RAB11FIP5: variants seen among roughly 807,000 people sequenced by gnomAD.
RAB11FIP5 encodes rab11 family-interacting protein 5.
RAB11FIP5 carries 48 observed loss-of-function variants against 85.1 expected under a neutral mutation model. The observed-to-expected ratio is 0.56, with a 90% confidence interval of 0.45 to 0.72. RAB11FIP5 has a LOEUF of 0.72. Ranked by LOEUF, RAB11FIP5 falls within the 30% of genes least tolerant of loss-of-function variation. The pLI, the probability that RAB11FIP5 is intolerant of heterozygous loss-of-function variation, is 0.00. For missense variants in RAB11FIP5, 1,491 were observed against 1,687.0 expected (o/e 0.88, Z 2.04); for synonymous variants, 729 against 727.3 (o/e 1.00, Z -0.04).
chr2:73,085,474 T>C (rs578060046), intron 3 of RAB11FIP5, among the ~76,000 whole-genome samples: 2 of 152,300 alleles, frequency 1.3e-5, no homozygotes, highest in Admixed American at 1.3e-4. Context: ...AAATGCGTGG[T>C]CTTGCCTGTC....
Position 73,081,107 on chromosome 2 carries a change from C to T in RAB11FIP5, c.2125G>A (p.Gly709Arg). 3.3e-6 allele frequency: 4 copies of T among 1,222,130 alleles called. No homozygotes were observed. Among genetic ancestry groups the T allele is most frequent in the South Asian group, 8.3e-5 (2 of 24,102 alleles). The allele number at this position is 1,222,130 out of a possible 1,614,324, so 75.7% of individuals were successfully genotyped here. A position where few individuals can be genotyped will look rare whatever the true frequency, so the allele number is the denominator to read the frequency against. ...CTGCTCCCACCTCTTCCTCCTCCTC[C>T]TCCTCCTCCTCCTCCTCCTCCCCCA... ...EPGGGGGGGGGGGGRGGSSVW... is the reference protein window; with the variant it reads ...EPGGGGGGGGRGGGRGGSSVW... The change falls in exon 4 of 6, where the codon GGA (glycine) becomes AGA (arginine). Residue 709 changes from glycine to arginine, a missense_variant. Physicochemically the swap from Gly to Arg is moderately radical, Grantham distance 125. Coordinates refer to ENST00000486777, the MANE Select transcript of RAB11FIP5 (RefSeq NM_001371272.1). The surrounding 1 kb of genome is among the most constrained non-coding windows in gnomAD (Gnocchi z 4.2).
Position 73,079,835 on chromosome 2 carries a change from G to A in RAB11FIP5, c.3397C>T (p.Pro1133Ser). The change falls in exon 4 of 6, where the codon CCC becomes TCC. Residue 1133 changes from proline to serine, a missense_variant. Coordinates refer to ENST00000486777, the MANE Select transcript of RAB11FIP5 (RefSeq NM_001371272.1). The part of the protein sequence containing the change: ...PPCSPLSEAW[P>S]LTTSSAPPGE... Reference sequence around the variant, plus strand: ...GGTGGTGCAGAGGAGGTAGTCAGGGGCCAGGCTTCAGACAGGGGAGAGCAT... The same window carrying A: ...GGTGGTGCAGAGGAGGTAGTCAGGGACCAGGCTTCAGACAGGGGAGAGCAT... 8.1e-7 allele frequency: 1 copy of A among 1,232,340 alleles called. No individual in the cohort carries two copies. Among genetic ancestry groups the A allele is most frequent in the Non-Finnish European group, 1.0e-6 (1 of 988,142 alleles). The allele number at this position is 1,232,340 out of a possible 1,614,324, so 76.3% of individuals were successfully genotyped here.
At chr2:73,085,564 T>C (rs1654705874) in intron 3 of RAB11FIP5, among the ~76,000 whole-genome samples, 1 of 152,180 alleles carries the variant, frequency 6.6e-6, no homozygotes, top group African/African-American at 2.4e-5. Flanking sequence ...GGCTAAGTCC[T>C]GTGGCCAAGA....
chr2:73,087,103 C>T (rs1684105106), intron 3 of RAB11FIP5, among the ~76,000 whole-genome samples: 1 of 152,310 alleles, frequency 6.6e-6, no homozygotes, highest in African/African-American at 2.4e-5. Flanking sequence ...GTCCAAGCAG[C>T]CATGGAGCGG....
Position 73,088,554 on chromosome 2 carries a change from C to T in RAB11FIP5, c.1064G>A (p.Arg355His), listed in dbSNP as rs745550800. 2.4e-5 allele frequency: 38 copies of T among 1,613,778 alleles called. No homozygotes were observed. The highest frequency in any genetic ancestry group is 3.0e-5 in the Non-Finnish European group (35 of 1,180,044). ...TGGAAGCGAGCCCGAGATGGAGCTGCGGTGCCGCACAGGGCCCTGGGGCTC... is the reference window on the plus strand; with the variant it reads ...TGGAAGCGAGCCCGAGATGGAGCTGTGGTGCCGCACAGGGCCCTGGGGCTC... ...NEEPQGPVRH[R>H]SSISGSLPSS... Residue 355 changes from arginine (R) to histidine (H), a missense_variant, in exon 3 of 6, where the codon CGC becomes CAC. By Grantham distance (29) the Arg-to-His change is conservative. Transcript: ENST00000486777.
At chr2:73,077,732 G>C (rs745521522) in intron 4 of RAB11FIP5, among the ~76,000 whole-genome samples, 1 of 152,212 alleles carries the variant, frequency 6.6e-6, no homozygotes, top group Non-Finnish European at 1.5e-5. Context: ...AAGCCTTCCT[G>C]ATTCCTCCAG....
chr2:73,095,609 G>A (rs1163002307), intron 1 of RAB11FIP5, among the ~76,000 whole-genome samples: 1 of 152,190 alleles, frequency 6.6e-6, no homozygotes, highest in Non-Finnish European at 1.5e-5. Context: ...GAGATGGGAG[G>A]CCCATTTTAC....
intron 1 of RAB11FIP5, among the ~76,000 whole-genome samples, chr2:73,096,752 G>C (rs1282074430): frequency 1.3e-5 from 2 of 152,164 alleles, no homozygotes; most frequent in Non-Finnish European, 2.9e-5. Context: ...GCAAAGACGT[G>C]AAGTGGGAGC....
At chr2:73,095,888 C>T (rs1029544998) in intron 1 of RAB11FIP5, among the ~76,000 whole-genome samples, 11 of 152,212 alleles carry the variant, frequency 7.2e-5, no homozygotes, top group Non-Finnish European at 2.9e-5. Flanking sequence ...TCCCAGAGCA[C>T]AGAGCCCTGA....
Position 73,074,954 on chromosome 2 carries a change from G to A in RAB11FIP5, c.*567C>T. ...ACTGAAGCAGACTCAGGACATGGCA[G>A]AGACTGGCCCAGACCACACAGGCTT... On this transcript the variant is annotated 3_prime_UTR_variant, in exon 6 of 6. Coordinates refer to ENST00000486777, the MANE Select transcript of RAB11FIP5 (RefSeq NM_001371272.1). 2.9e-6 allele frequency: 1 copy of A among 345,616 alleles called. No homozygotes were observed. The allele number at this position is 345,616 out of a possible 1,614,324, so 21.4% of individuals were successfully genotyped here.
At chr2:73,092,654 T>C (rs545153529) in intron 1 of RAB11FIP5, among the ~76,000 whole-genome samples, 14 of 152,294 alleles carry the variant, frequency 9.2e-5, no homozygotes, top group African/African-American at 3.1e-4. Context: ...CTTCTCCTGT[T>C]CTGCCCAGCC....
chr2:73,099,003 C>T (rs532502739), intron 1 of RAB11FIP5, among the ~76,000 whole-genome samples: 48 of 151,056 alleles, frequency 3.2e-4, no homozygotes, highest in Non-Finnish European at 4.3e-4. Flanking sequence ...AGTAATAAAG[C>T]ACTTATGTTT....
At position 73,075,177 on chromosome 2, in the gene RAB11FIP5, C is replaced by T; in HGVS notation, c.*344G>A. 1.7e-6 allele frequency: 1 copy of T among 582,400 alleles called. No homozygotes were observed. The highest frequency in any genetic ancestry group is 1.5e-5 in the South Asian group (1 of 64,544). The allele number at this position is 582,400 out of a possible 1,614,324, so 36.1% of individuals were successfully genotyped here. A position where few individuals can be genotyped will look rare whatever the true frequency, so the allele number is the denominator to read the frequency against. On this transcript the variant is annotated 3_prime_UTR_variant, in exon 6 of 6. Transcript: ENST00000486777. The surrounding 1 kb of genome is among the most constrained non-coding windows in gnomAD (Gnocchi z 4.6). Reference sequence around the variant, plus strand: ...GGATAATAAAGTATGTGCTAGCAACCAGTCTTGTCCCAGATTACTGCATCA... The same window carrying T: ...GGATAATAAAGTATGTGCTAGCAACTAGTCTTGTCCCAGATTACTGCATCA...
rs779420866 is a variant in RAB11FIP5, at chr2:73,112,474, A to G, written c.304T>C (p.Ser102Pro). 4 of 1,477,002 alleles carry G rather than the reference A, an allele frequency of 2.7e-6. No individual in the cohort carries two copies. The highest frequency in any genetic ancestry group is 1.4e-5 in the South Asian group (1 of 71,952). The allele number at this position is 1,477,002 out of a possible 1,614,324, so 91.5% of individuals were successfully genotyped here. The change falls in exon 1 of 6, where the codon TCC becomes CCC. Residue 102 changes from serine to proline, a missense_variant. Coordinates refer to ENST00000486777, the MANE Select transcript of RAB11FIP5 (RefSeq NM_001371272.1). ...AGCACCAGCTCGCAGGCGGCGGCGG[A>G]GCTCGCGGCCCAGGGCGCCGGGCCC... is the stretch of plus-strand genomic sequence containing the variant. ...DAGPAPWAAS[S>P]AAACELVLTT...
intron 1 of RAB11FIP5, among the ~76,000 whole-genome samples, chr2:73,105,732 T>C (rs1311897950): frequency 6.6e-6 from 1 of 150,506 alleles, no homozygotes; most frequent in South Asian, 2.1e-4. Context: ...CCGAGATCCA[T>C]GTCAAGGAGA....
Position 73,080,531 on chromosome 2 carries a change from G to GTGGGGTGC in RAB11FIP5, c.2693_2700dup (p.Pro901AlafsTer28). The GTGGGGTGC allele has an allele frequency of 8.1e-7, 1 of 1,232,800 alleles. No individual in the cohort carries two copies. Among genetic ancestry groups the GTGGGGTGC allele is most frequent in the Non-Finnish European group, 1.0e-6 (1 of 988,254 alleles). The allele number at this position is 1,232,800 out of a possible 1,614,324, so 76.4% of individuals were successfully genotyped here. ...GTGAAGAGGCGCGGTGGCTTGGGAG[G>GTGGGGTGC]TGGGGTGCTGGGCTGCAGCCCCTTG... On this transcript the variant is annotated frameshift_variant, in exon 4 of 6. Coordinates refer to ENST00000486777, the MANE Select transcript of RAB11FIP5 (RefSeq NM_001371272.1). LOFTEE classifies it high-confidence loss of function.
rs766109267 is a variant in RAB11FIP5, at chr2:73,075,516, G to A, written c.*5C>T. The A allele has an allele frequency of 1.2e-6, 2 of 1,613,744 alleles. No homozygotes were observed. Among genetic ancestry groups the A allele is most frequent in the African/African-American group, 1.3e-5 (1 of 74,906 alleles). On this transcript the variant is annotated 3_prime_UTR_variant, in exon 6 of 6. Transcript: ENST00000486777. This position sits in a 1 kb window ranked among gnomAD's most constrained non-coding sequence, Gnocchi z 4.6. ...CCAACCCTCCTGGGGGTAGGGTGAG[G>A]AAGGCTATTTGGGGGGGCCCGGGGG...
rs1559231144 is a variant in RAB11FIP5, at chr2:73,075,763, GGCCTGCCTGCCTGCCTGCCCGCTT to G, written c.3772-63_3772-40del. 8.6e-6 allele frequency: 13 copies of G among 1,510,260 alleles called. No homozygotes were observed. Among genetic ancestry groups the G allele is most frequent in the African/African-American group, 1.4e-5 (1 of 70,482 alleles). 93.6% of individuals were successfully genotyped at this position (1,510,260 alleles called of 1,614,324 possible). ...GAAGACAGTGAGCAGGGCAGCCCTA[GGCCTGCCTGCCTGCCTGCCCGCTT>G]GCCCGCCCGCCCGCCTGCCCACCAA... On this transcript the variant is annotated intron_variant, in intron 5 of 5. Coordinates refer to ENST00000486777, the MANE Select transcript of RAB11FIP5 (RefSeq NM_001371272.1). The surrounding 1 kb of genome is among the most constrained non-coding windows in gnomAD (Gnocchi z 4.6).
At chr2:73,077,517 A>G (rs1467588496) in intron 4 of RAB11FIP5, among the ~76,000 whole-genome samples, 8 of 152,154 alleles carry the variant, frequency 5.3e-5, no homozygotes, top group African/African-American at 1.9e-4. Flanking sequence ...GAATCCTTTA[A>G]TGGCTTCTAT....
Sources: allele counts gnomAD v4.1 joint callset (sites outside exome capture counted in the v4.1 genomes callset), GRCh38; gene constraint gnomAD v4.1.1; non-coding constraint Gnocchi (gnomAD v3.1); transcripts MANE v1.5; gene names NCBI Gene and HGNC (gene_info 2026-07-23, HGNC 2026-07-21).